The following NKAIN2 variants were observed in gnomAD, a reference collection of about 807,000 sequenced individuals.
NKAIN2 encodes sodium/potassium transporting ATPase interacting 2, also known as sodium/potassium-transporting ATPase subunit beta-1-interacting protein 2.
In NKAIN2, 14 loss-of-function variants were observed where a neutral mutation model predicts 32.6. The ratio of observed to expected loss-of-function variants is 0.43; its 90% confidence interval spans 0.28 to 0.67. The LOEUF (loss-of-function observed/expected upper bound fraction) is 0.67. Ranked by LOEUF, NKAIN2 falls within the 30% of genes least tolerant of loss-of-function variation. NKAIN2 has a pLI of 0.17. For missense variants in NKAIN2, 198 were observed against 258.3 expected, an observed-to-expected ratio of 0.77 and a Z score of 1.60; for synonymous variants, 80 against 87.2, an observed-to-expected ratio of 0.92 and a Z score of 0.46.
chr6:124,095,312 T>C (rs1784605610), intron 1 of NKAIN2, among the ~76,000 whole-genome samples: 1 of 151,972 alleles, frequency 6.6e-6, no homozygotes, highest in South Asian at 2.1e-4. Flanking sequence ...AAGCATATAC[T>C]TGTGAAAAAG....
intron 1 of NKAIN2, among the ~76,000 whole-genome samples, chr6:124,161,413 A>G (rs1009936322): frequency 6.6e-6 from 1 of 152,166 alleles, no homozygotes; most frequent in Non-Finnish European, 1.5e-5. Flanking sequence ...AAAATTTGAC[A>G]TGAGATTTGG....
chr6:124,764,636 A>G (rs1381496970), intron 4 of NKAIN2, among the ~76,000 whole-genome samples: 1 of 152,146 alleles, frequency 6.6e-6, no homozygotes, highest in Admixed American at 6.6e-5. Flanking sequence ...TCCTTGCTTT[A>G]AGAAACCTGT....
chr6:124,213,789 A>G (rs867927915), intron 1 of NKAIN2, among the ~76,000 whole-genome samples: 4 of 152,290 alleles, frequency 2.6e-5, no homozygotes, highest in Middle Eastern at 3.4e-3. Flanking sequence ...TGCTTTTTAC[A>G]AAATACTGGT....
intron 3 of NKAIN2, among the ~76,000 whole-genome samples, chr6:124,617,316 G>A (rs74500148): frequency 0.011 from 1,685 of 152,014 alleles, 27 homozygotes; most frequent in African/African-American, 0.038. Context: ...ATCTATTCTC[G>A]CATTTTTCTT....
At chr6:124,452,728 T>C (rs558331459) in intron 3 of NKAIN2, among the ~76,000 whole-genome samples, 1 of 152,260 alleles carries the variant, frequency 6.6e-6, no homozygotes, top group African/African-American at 2.4e-5. Flanking sequence ...AATAAAGCTA[T>C]GCTAGGATTA....
At chr6:124,719,175 T>C (rs1266978846) in intron 4 of NKAIN2, among the ~76,000 whole-genome samples, 2 of 152,200 alleles carry the variant, frequency 1.3e-5, no homozygotes, top group Non-Finnish European at 2.9e-5. Flanking sequence ...ATTGCTAATT[T>C]CCATTTTGTG....
chr6:123,806,453 T>G (rs1435088289), intron 1 of NKAIN2, among the ~76,000 whole-genome samples: 1 of 152,086 alleles, frequency 6.6e-6, no homozygotes, highest in Non-Finnish European at 1.5e-5. Flanking sequence ...AGATTCTTGG[T>G]AATTGTTGCT....
At chr6:124,440,859 A>G (rs978191902) in intron 3 of NKAIN2, among the ~76,000 whole-genome samples, 8 of 152,044 alleles carry the variant, frequency 5.3e-5, no homozygotes, top group Non-Finnish European at 8.8e-5. Context: ...AATTATGGAG[A>G]CAGGAAGCAG....
At chr6:123,957,256 C>A (rs1258159145) in intron 1 of NKAIN2, among the ~76,000 whole-genome samples, 2 of 152,172 alleles carry the variant, frequency 1.3e-5, no homozygotes, top group African/African-American at 4.8e-5. Context: ...AAACACCTCA[C>A]TGATACTTAA....
chr6:124,458,538 A>G lies in NKAIN2; in HGVS notation c.273+103191A>G, dbSNP rs1309360277. On this transcript the variant is annotated intron_variant, in intron 3 of 6. Transcript: ENST00000368417. ...TACCATTTCCTCTGGATTCATATCTATACCATACTTACTATTATTAATCGG... is the reference window on the plus strand; with the variant it reads ...TACCATTTCCTCTGGATTCATATCTGTACCATACTTACTATTATTAATCGG... Among the ~76,000 whole-genome samples the G allele has an allele frequency of 3.3e-5, 5 of 151,890 alleles. No homozygotes were observed. The East Asian group carries it at 5.8e-4, about 18-fold the overall frequency.
At chr6:124,812,759 T>C (rs904261206) in intron 5 of NKAIN2, among the ~76,000 whole-genome samples, 4 of 151,820 alleles carry the variant, frequency 2.6e-5, no homozygotes, top group African/African-American at 9.7e-5. Flanking sequence ...AAAGCAGCAA[T>C]ATGCCCCTGG....
At chr6:124,144,355 A>G (rs1390593641) in intron 1 of NKAIN2, among the ~76,000 whole-genome samples, 3 of 152,228 alleles carry the variant, frequency 2.0e-5, no homozygotes, top group Admixed American at 1.3e-4. Context: ...AATGTCATCC[A>G]TGAAAGAGGT....
chr6:124,521,542 T>C (rs751086860), intron 3 of NKAIN2, among the ~76,000 whole-genome samples: 1 of 152,194 alleles, frequency 6.6e-6, no homozygotes, highest in Non-Finnish European at 1.5e-5. Context: ...CAGGGACAAA[T>C]ACGTGAATGC....
At chr6:124,253,258 A>C (rs1215046642) in intron 1 of NKAIN2, among the ~76,000 whole-genome samples, 1 of 152,200 alleles carries the variant, frequency 6.6e-6, no homozygotes, top group Non-Finnish European at 1.5e-5. Context: ...AGTGCTATTT[A>C]AAATATATCT....
chr6:123,996,911 TG>T (rs1779641360), intron 1 of NKAIN2, among the ~76,000 whole-genome samples: 1 of 152,226 alleles, frequency 6.6e-6, no homozygotes, highest in Non-Finnish European at 1.5e-5. Context: ...ACATTTTTTT[TG>T]AATGGAAAAA....
intron 3 of NKAIN2, among the ~76,000 whole-genome samples, chr6:124,643,153 C>G (rs1393444775): frequency 6.6e-6 from 1 of 152,114 alleles, no homozygotes; most frequent in East Asian, 1.9e-4. Context: ...TTTAATGGTG[C>G]TTGTGGTCTC....
intron 1 of NKAIN2, among the ~76,000 whole-genome samples, chr6:124,242,656 A>G (rs907130678): frequency 4.6e-5 from 7 of 152,172 alleles, no homozygotes; most frequent in South Asian, 2.1e-4. Context: ...ATGCCCATCA[A>G]TGCTAGACTG....
At position 124,726,012 on chromosome 6, in the gene NKAIN2, C is replaced by A. The variant is rs184301678; in HGVS notation, c.475-65327C>A. ...GCGCTTTTCCGACGGGCTTAAAAAA[C>A]GGCACACCACCAGATTATATCCTGC... On this transcript the variant is annotated intron_variant, in intron 4 of 6. Coordinates refer to ENST00000368417, the MANE Select transcript of NKAIN2 (RefSeq NM_001040214.3). Among the ~76,000 whole-genome samples the A allele has an allele frequency of 3.3e-5, 5 of 152,322 alleles. No individual in the cohort carries two copies. The East Asian group carries it at 7.7e-4, about 24-fold the overall frequency.
intron 3 of NKAIN2, among the ~76,000 whole-genome samples, chr6:124,521,883 T>C (rs748413826): frequency 3.3e-5 from 5 of 152,172 alleles, no homozygotes; most frequent in Admixed American, 6.5e-5. Context: ...TCTGTTTATG[T>C]CTCGGTGCAT....
Sources: allele counts gnomAD v4.1 joint callset (sites outside exome capture counted in the v4.1 genomes callset), GRCh38; gene constraint gnomAD v4.1.1; transcripts MANE v1.5; gene names NCBI Gene and HGNC (gene_info 2026-07-23, HGNC 2026-07-21).